Variants in IRGQ observed in about 807,000 individuals in gnomAD.
IRGQ encodes immunity-related GTPase family Q protein.
A neutral mutation model predicts 10.5 loss-of-function variants in IRGQ; 5 were observed. The ratio of observed to expected loss-of-function variants is 0.48; its 90% CI spans 0.25 to 1.00. The LOEUF is 1.00. IRGQ is among the 50% of genes least tolerant of loss of function. The pLI, the probability that IRGQ is intolerant of heterozygous loss-of-function variation, is 0.16. For synonymous variants in IRGQ, 418 were observed against 426.0 expected (o/e 0.98, Z 0.23); for missense variants, 792 against 877.7 (o/e 0.90, Z 1.23).
rs1973009884 is a variant in IRGQ, at chr19:43,587,739, C to G, written c.*4287G>C. 6.6e-6 allele frequency: 1 copy of G among 151,936 alleles called. No homozygotes were observed. The highest frequency in any genetic ancestry group is 6.6e-5 in the Admixed American group (1 of 15,250). The allele number at this position is 151,936 out of a possible 1,614,324, so 9.4% of individuals were successfully genotyped here. On this transcript the variant is annotated 3_prime_UTR_variant, in exon 3 of 3. Coordinates refer to ENST00000422989, the MANE Select transcript of IRGQ (RefSeq NM_001007561.3). ...TGGCCAACATGGCGAAACCCCATCT[C>G]TAACCAAAAATACAAAAATTAGTGG...
intron 1 of IRGQ, 23 bp from the exon 2 acceptor site, chr19:43,595,363 G>C (rs1326113470): frequency 6.6e-7 from 1 of 1,516,700 alleles, no homozygotes; most frequent in Non-Finnish European, 8.8e-7. Context: ...GGGTAGAGAA[G>C]ACCTGGGTCA....
chr19:43,595,226 G>A lies in IRGQ; in HGVS notation c.113C>T (p.Pro38Leu), dbSNP rs775064239. The stretch of plus-strand genomic sequence containing the variant: ...AACCCCGGAGTCCGGCCGTCCCTCG[G>A]GGGCCTCGAGCGTCTCCACATCCTT... ...CDKDVETLEAPEGRPDSGVPS... is the reference protein window; with the variant it reads ...CDKDVETLEALEGRPDSGVPS... Residue 38 changes from proline to leucine, a missense_variant, in exon 2 of 3, where the codon CCC (proline) becomes CTC (leucine). Physicochemically the swap from Pro to Leu is moderately conservative, Grantham distance 98. Coordinates refer to ENST00000422989, the MANE Select transcript of IRGQ (RefSeq NM_001007561.3). The A allele has an allele frequency of 3.1e-6, 5 of 1,612,574 alleles. No homozygotes were observed. Among genetic ancestry groups the A allele is most frequent in the Non-Finnish European group, 4.2e-6 (5 of 1,179,782 alleles).
In IRGQ at chr19:43,586,596, A is replaced by G. The variant is rs1027049276; in HGVS notation, c.*5430T>C. 6.6e-6 allele frequency: 1 copy of G among 152,294 alleles called. No homozygotes were observed. Among genetic ancestry groups the G allele is most frequent in the Admixed American group, 6.5e-5 (1 of 15,272 alleles). 9.4% of individuals were successfully genotyped at this position (152,294 alleles called of 1,614,324 possible). On this transcript the variant is annotated 3_prime_UTR_variant, in exon 3 of 3. Coordinates refer to ENST00000422989, the MANE Select transcript of IRGQ (RefSeq NM_001007561.3). ...GATGTCAGACAGGACCAAATCAGAG[A>G]CAGGGTCAAAGTGGCAGAAAAATGA...
rs774098638 is a variant in IRGQ at position 43,592,303 on chromosome 19, C to T, written c.1595G>A (p.Arg532His). The T allele has an allele frequency of 5.1e-6, 8 of 1,565,416 alleles. No individual in the cohort carries two copies. The highest frequency in any genetic ancestry group is 4.6e-5 in the South Asian group (4 of 87,478). The change falls in exon 3 of 3, where the codon CGT becomes CAT. Residue 532 changes from arginine to histidine, a missense_variant. Physicochemically the swap from Arg to His is conservative, Grantham distance 29. Coordinates refer to ENST00000422989, the MANE Select transcript of IRGQ (RefSeq NM_001007561.3). Reference protein sequence around the residue: ...LEPTALARRERALGLASGELA... With the variant: ...LEPTALARREHALGLASGELA... ...CTCTCCAGAAGCCAGGCCCAGGGCA[C>T]GCTCACGTCGAGCCAGTGCCGTGGG...
rs553987334 is a variant in IRGQ, at chr19:43,595,455, T to A, written c.-2-115A>T. 2.1e-4 allele frequency: 199 copies of A among 947,360 alleles called. 1 individual carries two copies. In the African/African-American group the frequency reaches 3.0e-3, roughly 14 times the overall value. 58.7% of individuals were successfully genotyped at this position (947,360 alleles called of 1,614,324 possible). On this transcript the variant is annotated intron_variant, in intron 1 of 2. Coordinates refer to ENST00000422989, the MANE Select transcript of IRGQ (RefSeq NM_001007561.3). The stretch of plus-strand genomic sequence containing the variant: ...CCTTCACCCTGTCCCCTTCGGTTCT[T>A]GAGTGTCACTCTCCAGGACCTAAAA...
rs1972971994 is a variant in IRGQ at position 43,584,573 on chromosome 19, G to GT, written c.*7452dup. On this transcript the variant is annotated 3_prime_UTR_variant, in exon 3 of 3. Coordinates refer to ENST00000422989, the MANE Select transcript of IRGQ (RefSeq NM_001007561.3). ...CATCACACACAGAGAGAACAAGTCTGTATTAGTTGCTTTTGCTACATAACA... is the reference window on the plus strand; with the variant it reads ...CATCACACACAGAGAGAACAAGTCTGTTATTAGTTGCTTTTGCTACATAACA... The GT allele has an allele frequency of 6.6e-6, 1 of 152,216 alleles. No homozygotes were observed. Among genetic ancestry groups the GT allele is most frequent in the Admixed American group, 6.5e-5 (1 of 15,282 alleles). The allele number at this position is 152,216 out of a possible 1,614,324, so 9.4% of individuals were successfully genotyped here.
chr19:43,590,369 C>T lies in IRGQ; in HGVS notation c.*1657G>A, dbSNP rs1973041607. The T allele has an allele frequency of 6.6e-6, 1 of 152,250 alleles. No homozygotes were observed. The highest frequency in any genetic ancestry group is 1.5e-5 in the Non-Finnish European group (1 of 68,054). 9.4% of individuals were successfully genotyped at this position (152,250 alleles called of 1,614,324 possible). On this transcript the variant is annotated 3_prime_UTR_variant, in exon 3 of 3. Coordinates refer to ENST00000422989, the MANE Select transcript of IRGQ (RefSeq NM_001007561.3). ...GTCTACGACAAAAGGGATTCTATCG[C>T]TTGGATTCTCAGATCCTCCTTTTCT...
In IRGQ at chr19:43,595,130, G is replaced by A; in HGVS notation, c.209C>T (p.Pro70Leu). 1 of 1,600,204 alleles carries A rather than the reference G, an allele frequency of 6.2e-7. No homozygotes were observed. Among genetic ancestry groups the A allele is most frequent in the Non-Finnish European group, 8.5e-7 (1 of 1,172,758 alleles). Residue 70 changes from proline (P) to leucine (L), a missense_variant, in exon 2 of 3, where the codon CCC becomes CTC. Coordinates refer to ENST00000422989, the MANE Select transcript of IRGQ (RefSeq NM_001007561.3). Reference sequence around the variant, plus strand: ...CAGCACGTTGGCTTCCGCCGCCCAGGGCCCCGGCGCTGCGGGTGGGCAGCT... The same window carrying A: ...CAGCACGTTGGCTTCCGCCGCCCAGAGCCCCGGCGCTGCGGGTGGGCAGCT... The part of the protein sequence containing the change: ...ELSCPPAAPG[P>L]WAAEANVLVL...
At position 43,594,853 on chromosome 19, in the gene IRGQ, C is replaced by G; in HGVS notation, c.486G>C (p.Glu162Asp). Residue 162 changes from glutamate (E) to aspartate (D), a missense_variant, in exon 2 of 3, where the codon GAG becomes GAC. Coordinates refer to ENST00000422989, the MANE Select transcript of IRGQ (RefSeq NM_001007561.3). The part of the protein sequence containing the change: ...CGSSDGCEEL[E>D]RLRAALQSQA... ...GGCTCTGCAGCGCCGCCCGGAGGCG[C>G]TCTAGCTCCTCGCAGCCGTCGCTGC... is the stretch of plus-strand genomic sequence containing the variant. 6.2e-7 allele frequency: 1 copy of G among 1,613,264 alleles called. No individual in the cohort carries two copies. Among genetic ancestry groups the G allele is most frequent in the African/African-American group, 1.3e-5 (1 of 75,048 alleles).
chr19:43,594,663 G>A (rs1355922932), intron 2 of IRGQ, 146 bp downstream of exon 2: 7 of 592,676 alleles, frequency 1.2e-5, no homozygotes, highest in Non-Finnish European at 1.9e-5. Flanking sequence ...GCGAGACCCT[G>A]TCTCTCAGGA....
rs76868266 is a variant in IRGQ at position 43,596,055 on chromosome 19, G to C, written c.-76C>G. 0.054 allele frequency: 8,192 copies of C among 152,274 alleles called. 267 individuals carry two copies. Among genetic ancestry groups the C allele is most frequent in the Middle Eastern group, 0.2 (58 of 294 alleles). The allele number at this position is 152,274 out of a possible 1,614,324, so 9.4% of individuals were successfully genotyped here. A position where few individuals can be genotyped will look rare whatever the true frequency, so the allele number is the denominator to read the frequency against. The stretch of plus-strand genomic sequence containing the variant: ...TCAGCAGCTGAGAAGCCCGGCCCCT[G>C]GGCCGCGGCGGACGGAGGCCGAAGA... On this transcript the variant is annotated 5_prime_UTR_variant, in exon 1 of 3. Coordinates refer to ENST00000422989, the MANE Select transcript of IRGQ (RefSeq NM_001007561.3).
intron 1 of IRGQ, 32 bp from the exon 2 acceptor site, chr19:43,595,372 C>G: frequency 1.3e-6 from 2 of 1,508,008 alleles, no homozygotes; most frequent in Non-Finnish European, 1.8e-6. Flanking sequence ...AGACCTGGGT[C>G]AGGGAGCACC....
chr19:43,589,827 G>C lies in IRGQ; in HGVS notation c.*2199C>G, dbSNP rs950286606. The C allele has an allele frequency of 6.6e-6, 1 of 152,210 alleles. No homozygotes were observed. Among genetic ancestry groups the C allele is most frequent in the African/African-American group, 2.4e-5 (1 of 41,442 alleles). The allele number at this position is 152,210 out of a possible 1,614,324, so 9.4% of individuals were successfully genotyped here. On this transcript the variant is annotated 3_prime_UTR_variant, in exon 3 of 3. Coordinates refer to ENST00000422989, the MANE Select transcript of IRGQ (RefSeq NM_001007561.3). ...AGGGAGGGGAAGTCCTCTCTGAGGG[G>C]ATACGTGAGCTGAGATCTGACTGAG... is the stretch of plus-strand genomic sequence containing the variant.
In IRGQ at chr19:43,592,042, G is replaced by C. The variant is rs1973062242; in HGVS notation, c.1856C>G (p.Pro619Arg). 6.2e-7 allele frequency: 1 copy of C among 1,604,074 alleles called. No homozygotes were observed. The change falls in exon 3 of 3, where the codon CCT becomes CGT. Residue 619 changes from proline to arginine, a missense_variant. By Grantham distance (103) the Pro-to-Arg change is moderately radical. Transcript: ENST00000422989. Reference protein sequence around the residue: ...RADAEAVLAPPEPAQ With the variant: ...RADAEAVLAPREPAQ ...TCCCACTCCTCACTGGGCAGGCTCA[G>C]GGGGTGCCAGCACAGCCTCAGCATC...
In IRGQ at chr19:43,592,732, G is replaced by A. The variant is rs762775998; in HGVS notation, c.1166C>T (p.Ala389Val). 6.2e-7 allele frequency: 1 copy of A among 1,611,682 alleles called. No individual in the cohort carries two copies. Among genetic ancestry groups the A allele is most frequent in the South Asian group, 1.1e-5 (1 of 91,092 alleles). ...KAGSGEGPGK[A>V]GSEGLQQVVG... ...AACCTGCTGCAAACCCTCGCTGCCAGCTTTCCCAGGACCTTCCCCGCTGCC... is the reference window on the plus strand; with the variant it reads ...AACCTGCTGCAAACCCTCGCTGCCAACTTTCCCAGGACCTTCCCCGCTGCC... Residue 389 changes from alanine to valine, a missense_variant, in exon 3 of 3, where the codon GCT becomes GTT. Physicochemically the swap from Ala to Val is moderately conservative, Grantham distance 64 (BLOSUM62 0). Transcript: ENST00000422989.
In IRGQ at chr19:43,592,249, G is replaced by T; in HGVS notation, c.1649C>A (p.Pro550Gln). 6.3e-7 allele frequency: 1 copy of T among 1,578,488 alleles called. No individual in the cohort carries two copies. Among genetic ancestry groups the T allele is most frequent in the Non-Finnish European group, 8.5e-7 (1 of 1,170,098 alleles). Residue 550 changes from proline (P) to glutamine (Q), a missense_variant, in exon 3 of 3, where the codon CCG (proline) becomes CAG (glutamine). Transcript: ENST00000422989. ...TGCTTCCACCTCGGCGCGCGTCACCGGGCCTGGGAAATGAGCGCGCGCTGC... is the reference window on the plus strand; with the variant it reads ...TGCTTCCACCTCGGCGCGCGTCACCTGGCCTGGGAAATGAGCGCGCGCTGC... ...ELAARAHFPG[P>Q]VTRAEVEARL...
Position 43,592,662 on chromosome 19 carries a change from A to T in IRGQ, c.1236T>A (p.Ala412=). The T allele has an allele frequency of 6.2e-7, 1 of 1,605,694 alleles. No individual in the cohort carries two copies. The highest frequency in any genetic ancestry group is 8.5e-7 in the Non-Finnish European group (1 of 1,179,938). The change falls in exon 3 of 3, where the codon GCT becomes GCA. Residue 412 remains alanine (A), a synonymous_variant. Transcript: ENST00000422989. ...KSGGGDSERA[A]ALSPEDETWE... is the part of the protein sequence containing the mutation. ...ACGTCTCGTCCTCCGGGCTTAACGC[A>T]GCGGCCCGCTCTGAGTCGCCACCAC...
In IRGQ at chr19:43,592,445, C is replaced by G; in HGVS notation, c.1453G>C (p.Ala485Pro). ...GCCGCCGCCAGACTAGCCAGCAGAG[C>G]TGGCCTCCACGCCCCGGCTCGCAAC... ...AALRAGAWRP[A>P]LLASLAAAAA... The change falls in exon 3 of 3, where the codon GCT (alanine) becomes CCT (proline). Residue 485 changes from alanine to proline, a missense_variant. Physicochemically the swap from Ala to Pro is conservative, Grantham distance 27. Transcript: ENST00000422989. 1 of 1,583,208 alleles carries G rather than the reference C, an allele frequency of 6.3e-7. No individual in the cohort carries two copies. Among genetic ancestry groups the G allele is most frequent in the Non-Finnish European group, 8.5e-7 (1 of 1,172,488 alleles).
rs1973113752 is a variant in IRGQ, at chr19:43,594,969, C to T, written c.370G>A (p.Ala124Thr). 6.2e-7 allele frequency: 1 copy of T among 1,614,000 alleles called. No individual in the cohort carries two copies. The highest frequency in any genetic ancestry group is 2.2e-5 in the East Asian group (1 of 44,880). ...GCTGTCTGATCACGGGCCTGGGCGG[C>T]AGTCTGTGAATCCCCAGGACGGAGG... ...RNLRPGDSQT[A>T]AQARDQTAAL... Residue 124 changes from alanine (A) to threonine (T), a missense_variant, in exon 2 of 3, where the codon GCC (alanine) becomes ACC (threonine). Coordinates refer to ENST00000422989, the MANE Select transcript of IRGQ (RefSeq NM_001007561.3).
Sources: allele counts gnomAD v4.1 joint callset, GRCh38; gene constraint gnomAD v4.1.1; transcripts MANE v1.5; gene names NCBI Gene and HGNC (gene_info 2026-07-23, HGNC 2026-07-21).